EPHA4: variants seen among roughly 807,000 people sequenced by gnomAD.
EPHA4 encodes the protein EPH receptor A4, also known as ephrin type-A receptor 4.
A neutral mutation model predicts 108.3 loss-of-function variants in EPHA4; 19 were observed. That is an observed-to-expected ratio of 0.18 (90% CI 0.12 to 0.26). EPHA4 has a LOEUF of 0.26. Among genes scored for constraint, EPHA4 ranks in the 10% least tolerant of loss-of-function variants. The pLI is 1.00. For missense variants in EPHA4, 917 were observed against 1,254.0 expected (o/e 0.73, Z 4.06); for synonymous variants, 449 against 455.5 (o/e 0.99, Z 0.18).
rs1317845214 is a variant in EPHA4, at chr2:221,571,951, G to A, written c.91+207C>T. On this transcript the variant is annotated intron_variant, in intron 1 of 17. Coordinates refer to ENST00000281821, the MANE Select transcript of EPHA4 (RefSeq NM_004438.5). This position sits in a 1 kb window ranked among gnomAD's most constrained non-coding sequence, Gnocchi z 6.3. ...ACAAACTTGGACAGACCCGCCGCGT[G>A]CACGGGTCACCGCCTCGGGGCAGGC... Among the ~76,000 whole-genome samples, 1 of 152,150 alleles carries A rather than the reference G, an allele frequency of 6.6e-6. No homozygotes were observed. The highest frequency in any genetic ancestry group is 1.5e-5 in the Non-Finnish European group (1 of 68,038).
intron 3 of EPHA4, among the ~76,000 whole-genome samples, chr2:221,551,359 A>C (rs1293375939): frequency 6.6e-6 from 1 of 152,158 alleles, no homozygotes; most frequent in Non-Finnish European, 1.5e-5. Flanking sequence ...GTGTTTTCTA[A>C]TCACTATCTC....
intron 3 of EPHA4, among the ~76,000 whole-genome samples, chr2:221,530,187 A>C (rs1297947334): frequency 6.6e-6 from 1 of 152,172 alleles, no homozygotes; most frequent in African/African-American, 2.4e-5. Context: ...TCTCTTAAAA[A>C]AAAAATTGGG....
intron 3 of EPHA4, among the ~76,000 whole-genome samples, chr2:221,508,855 G>T (rs1337012792): frequency 1.3e-5 from 2 of 151,902 alleles, no homozygotes; most frequent in Non-Finnish European, 2.9e-5. Context: ...CAAGTAAGTA[G>T]TTATCCTCTC....
intron 3 of EPHA4, among the ~76,000 whole-genome samples, chr2:221,557,636 T>A (rs1466141482): frequency 6.6e-6 from 1 of 152,236 alleles, no homozygotes; most frequent in East Asian, 1.9e-4. Flanking sequence ...GTTAACTTCA[T>A]GTGCTGCAGA....
At chr2:221,447,007 C>A (rs943406383) in intron 8 of EPHA4, among the ~76,000 whole-genome samples, 43 of 152,148 alleles carry the variant, frequency 2.8e-4, no homozygotes, top group Non-Finnish European at 2.9e-4. Flanking sequence ...AATATTCAAT[C>A]AGAAATGTAT....
chr2:221,548,945 G>A (rs1694082885), intron 3 of EPHA4, among the ~76,000 whole-genome samples: 1 of 152,096 alleles, frequency 6.6e-6, no homozygotes, highest in Non-Finnish European at 1.5e-5. Context: ...TTACCGCTCA[G>A]GGACTACTAG....
chr2:221,571,832 T>C lies in EPHA4; in HGVS notation c.91+326A>G, dbSNP rs1559299798. Among the ~76,000 whole-genome samples the C allele has an allele frequency of 6.6e-6, 1 of 152,170 alleles. No individual in the cohort carries two copies. Among genetic ancestry groups the C allele is most frequent in the Non-Finnish European group, 1.5e-5 (1 of 68,016 alleles). Reference sequence around the variant, plus strand: ...GGAGAGGACGTGGTTCTTGTAATTTTTTTTTTAAATCCCGGCGTTGTCTCC... The same window carrying C: ...GGAGAGGACGTGGTTCTTGTAATTTCTTTTTTAAATCCCGGCGTTGTCTCC... On this transcript the variant is annotated intron_variant, in intron 1 of 17. Coordinates refer to ENST00000281821, the MANE Select transcript of EPHA4 (RefSeq NM_004438.5). This position sits in a 1 kb window ranked among gnomAD's most constrained non-coding sequence, Gnocchi z 6.3.
intron 4 of EPHA4, among the ~76,000 whole-genome samples, chr2:221,483,607 C>G (rs755152952): frequency 6.6e-6 from 1 of 151,470 alleles, no homozygotes; most frequent in Non-Finnish European, 1.5e-5. Context: ...CTTTCACCTC[C>G]CAGGTTCAAG....
intron 4 of EPHA4, among the ~76,000 whole-genome samples, chr2:221,494,665 A>C (rs1692251534): frequency 6.6e-6 from 1 of 152,178 alleles, no homozygotes; most frequent in African/African-American, 2.4e-5. Context: ...TTAGCTTCCC[A>C]GTGGGGGAAA....
intron 3 of EPHA4, 120 bp downstream of exon 3, chr2:221,563,611 T>C: frequency 8.4e-7 from 1 of 1,192,480 alleles, no homozygotes; most frequent in South Asian, 1.5e-5. Flanking sequence ...ATTAGACCCC[T>C]GTGTCCCACC....
rs112762858 is a variant in EPHA4, at chr2:221,427,852, C to T, written c.2691-1233G>A. Among the ~76,000 whole-genome samples the T allele has an allele frequency of 2.2e-3, 336 of 152,184 alleles. 1 individual carries two copies. Among genetic ancestry groups the T allele is most frequent in the African/African-American group, 7.8e-3 (324 of 41,536 alleles). On this transcript the variant is annotated intron_variant, in intron 15 of 17. Transcript: ENST00000281821. ...AAATTTTCATTTTTATCTAAATTGACTTGACTTGTATTATTTCTTTTTTAT... is the reference window on the plus strand; with the variant it reads ...AAATTTTCATTTTTATCTAAATTGATTTGACTTGTATTATTTCTTTTTTAT...
intron 5 of EPHA4, among the ~76,000 whole-genome samples, chr2:221,477,390 G>A (rs1330370199): frequency 2.0e-5 from 3 of 152,300 alleles, no homozygotes; most frequent in African/African-American, 7.2e-5. Context: ...CTAGAACAGA[G>A]TTTTTCAGCC....
At position 221,457,887 on chromosome 2, in the gene EPHA4, A is replaced by G; in HGVS notation, c.1422T>C (p.Tyr474=). ...ATACCTTCTCATAATACTTGACTTC[A>G]TATTCCAGGATTACCCCATTGGGCC... ...PDRPNGVILE[Y]EVKYYEKDQN... Residue 474 remains tyrosine, a synonymous_variant, in exon 6 of 18, where the codon TAT becomes TAC. Transcript: ENST00000281821. 1 of 1,613,818 alleles carries G rather than the reference A, an allele frequency of 6.2e-7. No homozygotes were observed. Among genetic ancestry groups the G allele is most frequent in the Non-Finnish European group, 8.5e-7 (1 of 1,179,768 alleles).
intron 11 of EPHA4, among the ~76,000 whole-genome samples, chr2:221,441,710 C>T (rs982126415): frequency 2.6e-5 from 4 of 152,144 alleles, no homozygotes; most frequent in Admixed American, 6.5e-5. Flanking sequence ...ACCACTCGCC[C>T]AGGCTCCTGC....
At chr2:221,519,917 G>A (rs977400656) in intron 3 of EPHA4, among the ~76,000 whole-genome samples, 3 of 151,568 alleles carry the variant, frequency 2.0e-5, no homozygotes, top group Admixed American at 6.6e-5. Flanking sequence ...TCCTAGCCTC[G>A]CCCTTTCTCT....
chr2:221,441,372 T>C (rs1690424040), intron 11 of EPHA4, among the ~76,000 whole-genome samples: 1 of 151,780 alleles, frequency 6.6e-6, no homozygotes, highest in African/African-American at 2.4e-5. Context: ...GGCCCCACCT[T>C]CAACACTGGA....
intron 5 of EPHA4, among the ~76,000 whole-genome samples, chr2:221,466,893 T>C (rs1263800158): frequency 6.6e-6 from 1 of 152,092 alleles, no homozygotes; most frequent in Non-Finnish European, 1.5e-5. Flanking sequence ...CTCCTTTCCA[T>C]GGTAAGAAAT....
At position 221,568,698 on chromosome 2, in the gene EPHA4, G is replaced by A; in HGVS notation, c.159+20C>T. ...CACTCCTTTTTTACCCTTTGGATCA[G>A]AGAGCAACTCAGGACTTACCCCTCC... On this transcript the variant is annotated intron_variant, in intron 2 of 17. Transcript: ENST00000281821. 6.2e-7 allele frequency: 1 copy of A among 1,606,678 alleles called. No homozygotes were observed. The highest frequency in any genetic ancestry group is 8.5e-7 in the Non-Finnish European group (1 of 1,175,526).
chr2:221,508,375 T>C lies in EPHA4; in HGVS notation c.824-7203A>G, dbSNP rs144235921. On this transcript the variant is annotated intron_variant, in intron 3 of 17. Transcript: ENST00000281821. ...AGACTGATCACCTGAGGTCAGAAGC[T>C]TGAGACCAGCCTCTCCAACATGGTG... Among the ~76,000 whole-genome samples, 1,405 of 152,196 alleles carry C rather than the reference T, an allele frequency of 9.2e-3. 13 individuals are homozygous for C. The highest frequency in any genetic ancestry group is 0.015 in the Non-Finnish European group (999 of 68,010).
Sources: gnomAD v4.1 joint callset for allele counts (sites outside exome capture counted in the v4.1 genomes callset) on GRCh38, gnomAD v4.1.1 for gene constraint, Gnocchi (gnomAD v3.1) non-coding constraint, MANE v1.5 for transcripts, NCBI Gene and HGNC (gene_info 2026-07-23, HGNC 2026-07-21) for gene names.